Variants in CHD6 observed in about 807,000 individuals in gnomAD.
CHD6 encodes chromodomain helicase DNA binding protein 6.
CHD6 carries 50 observed loss-of-function variants against 276.9 expected under a neutral mutation model. That is an observed-to-expected ratio of 0.18 (90% CI 0.14 to 0.23). CHD6 has a LOEUF of 0.23. Ranked by LOEUF, CHD6 falls within the 10% of genes least tolerant of loss-of-function variation. The pLI is 1.00. For synonymous variants in CHD6, 1,173 were observed against 1,229.3 expected, an observed-to-expected ratio of 0.95 and a Z score of 0.96; for missense variants, 2,564 against 3,365.8, an observed-to-expected ratio of 0.76 and a Z score of 5.89.
At chr20:41,464,426 G>C (rs2042872449) in intron 17 of CHD6, among the ~76,000 whole-genome samples, 1 of 152,094 alleles carries the variant, frequency 6.6e-6, no homozygotes, top group Non-Finnish European at 1.5e-5. Flanking sequence ...ACAAAATATG[G>C]GTTAGCAATT....
chr20:41,478,909 A>G (rs1038820724), intron 16 of CHD6, among the ~76,000 whole-genome samples: 86 of 152,236 alleles, frequency 5.6e-4, no homozygotes, highest in African/African-American at 1.9e-3. Flanking sequence ...CGTCAAACCT[A>G]CAATGTTATA....
intron 25 of CHD6, among the ~76,000 whole-genome samples, chr20:41,444,989 A>T (rs2048020095): frequency 6.6e-6 from 1 of 152,216 alleles, no homozygotes; most frequent in Admixed American, 6.5e-5. Flanking sequence ...TGTATCAGGC[A>T]TACTATGGGT....
intron 1 of CHD6, among the ~76,000 whole-genome samples, chr20:41,608,607 G>C (rs183834684): frequency 2.0e-4 from 31 of 152,244 alleles, no homozygotes; most frequent in Non-Finnish European, 4.1e-4. Context: ...TTCTAATCAA[G>C]GCTTGACCAC....
intron 3 of CHD6, among the ~76,000 whole-genome samples, chr20:41,523,332 T>A (rs191274002): frequency 1.3e-5 from 2 of 152,304 alleles, no homozygotes; most frequent in Admixed American, 6.5e-5. Flanking sequence ...TCTTTTTTAT[T>A]AATAGCTTTC....
intron 16 of CHD6, among the ~76,000 whole-genome samples, chr20:41,480,919 C>A (rs2043279942): frequency 6.6e-6 from 1 of 151,728 alleles, no homozygotes; most frequent in African/African-American, 2.4e-5. Flanking sequence ...CCAGAAGAAC[C>A]CTGTTGGATG....
chr20:41,509,928 T>C (rs1391488538), intron 5 of CHD6, among the ~76,000 whole-genome samples: 1 of 152,122 alleles, frequency 6.6e-6, no homozygotes, highest in African/African-American at 2.4e-5. Flanking sequence ...TGTAAAGATG[T>C]TTTCGCAACT....
At position 41,467,111 on chromosome 20, in the gene CHD6, A is replaced by C. The variant is rs561842933; in HGVS notation, c.2664+6211T>G. On this transcript the variant is annotated intron_variant, in intron 17 of 36. Coordinates refer to ENST00000373233, the MANE Select transcript of CHD6 (RefSeq NM_032221.5). Reference sequence around the variant, plus strand: ...TACCTCTGGACTTGTTAACTGAGAAAAATAAACCCCTGTTTGGGAGAGCCG... The same window carrying C: ...TACCTCTGGACTTGTTAACTGAGAACAATAAACCCCTGTTTGGGAGAGCCG... 1.4e-4 allele frequency among the ~76,000 whole-genome samples: 21 copies of C among 152,254 alleles called. No homozygotes were observed. In the South Asian group the frequency reaches 4.4e-3, roughly 32 times the overall value.
At chr20:41,540,671 C>T (rs2044923857) in intron 2 of CHD6, among the ~76,000 whole-genome samples, 1 of 152,166 alleles carries the variant, frequency 6.6e-6, no homozygotes, top group African/African-American at 2.4e-5. Context: ...CTTGCACCTC[C>T]AACCCAAGTA....
rs1239884578 is a variant in CHD6, at chr20:41,404,637, C to G, written c.8104G>C (p.Ala2702Pro). The stretch of plus-strand genomic sequence containing the variant: ...GAGTCTTTGAGTGCCCCCTCCCCAG[C>G]CTGTGCCCCATGTTCTCTCTCTGCG... Reference protein sequence around the residue: ...LPAEREHGAQAGEGALKDSNN... With the variant: ...LPAEREHGAQPGEGALKDSNN... Residue 2702 changes from alanine (A) to proline (P), a missense_variant, in exon 37 of 37, where the codon GCT becomes CCT. Ala to Pro is a conservative substitution (Grantham distance 27). This residue lies in a region of CHD6 where 238 missense variants were observed against 266.0 expected (regional missense o/e 0.89). Coordinates refer to ENST00000373233, the MANE Select transcript of CHD6 (RefSeq NM_032221.5). 5 of 1,514,374 alleles carry G rather than the reference C, an allele frequency of 3.3e-6. No individual in the cohort carries two copies. In the Admixed American group the frequency reaches 1.1e-4, roughly 34 times the overall value. 93.8% of individuals were successfully genotyped at this position (1,514,374 alleles called of 1,614,324 possible). A position where few individuals can be genotyped will look rare whatever the true frequency, so the allele number is the denominator to read the frequency against.
At chr20:41,512,168 T>C (rs369102393) in intron 5 of CHD6, among the ~76,000 whole-genome samples, 2 of 151,854 alleles carry the variant, frequency 1.3e-5, no homozygotes, top group African/African-American at 4.8e-5. Flanking sequence ...TTTTGCCATG[T>C]TGCCCATGTT....
intron 1 of CHD6, among the ~76,000 whole-genome samples, chr20:41,561,472 C>T (rs980586974): frequency 3.3e-5 from 5 of 152,158 alleles, no homozygotes; most frequent in Non-Finnish European, 5.9e-5. Context: ...TAGGTAGAGT[C>T]CTCCATCAGG....
In CHD6 at chr20:41,488,415, T is replaced by A; in HGVS notation, c.1857+13A>T. The A allele has an allele frequency of 6.2e-7, 1 of 1,601,902 alleles. No homozygotes were observed. Among genetic ancestry groups the A allele is most frequent in the Non-Finnish European group, 8.5e-7 (1 of 1,175,756 alleles). On this transcript the variant is annotated intron_variant, in intron 13 of 36. Transcript: ENST00000373233. The stretch of plus-strand genomic sequence containing the variant: ...AGGAACCTGTGTTTATGTAAAGAGA[T>A]GCTAACTCTCACCAGGGCCATAAGC...
In CHD6 at chr20:41,403,298, C is replaced by G; in HGVS notation, c.*1295G>C. 1.9e-6 allele frequency: 2 copies of G among 1,063,338 alleles called. No individual in the cohort carries two copies. The highest frequency in any genetic ancestry group is 2.3e-6 in the Non-Finnish European group (2 of 877,744). 65.9% of individuals were successfully genotyped at this position (1,063,338 alleles called of 1,614,324 possible). ...ACTGAACCATGAGCTTACTTCAAGTCTCAGAGTGTGAACTACCTGTGAAGA... is the reference window on the plus strand; with the variant it reads ...ACTGAACCATGAGCTTACTTCAAGTGTCAGAGTGTGAACTACCTGTGAAGA... On this transcript the variant is annotated 3_prime_UTR_variant, in exon 37 of 37. Transcript: ENST00000373233.
At chr20:41,607,444 C>A (rs768788199) in intron 1 of CHD6, among the ~76,000 whole-genome samples, 1 of 152,046 alleles carries the variant, frequency 6.6e-6, no homozygotes. Context: ...TCCCAGGGCA[C>A]GTGAATGACT....
At chr20:41,571,101 G>A (rs1347767679) in intron 1 of CHD6, among the ~76,000 whole-genome samples, 13 of 151,940 alleles carry the variant, frequency 8.6e-5, no homozygotes, top group Admixed American at 8.5e-4. Flanking sequence ...AGTTACAGTG[G>A]GATTCCAAAT....
intron 12 of CHD6, 81 bp downstream of exon 12, chr20:41,489,697 T>C: frequency 6.4e-7 from 1 of 1,569,482 alleles, no homozygotes; most frequent in Non-Finnish European, 8.7e-7. Flanking sequence ...TGCAGGGCAC[T>C]GGAACTTCTG....
At chr20:41,582,948 A>G (rs1040376988) in intron 1 of CHD6, among the ~76,000 whole-genome samples, 2 of 152,168 alleles carry the variant, frequency 1.3e-5, no homozygotes, top group Admixed American at 6.5e-5. Context: ...AAAAACGGGG[A>G]AAAAGAAGTG....
chr20:41,581,256 A>G (rs1024449292), intron 1 of CHD6, among the ~76,000 whole-genome samples: 4 of 152,218 alleles, frequency 2.6e-5, no homozygotes, highest in African/African-American at 9.6e-5. Context: ...GAAGCACAAG[A>G]CGGTCAAGTA....
intron 17 of CHD6, among the ~76,000 whole-genome samples, chr20:41,469,185 T>C (rs1001263942): frequency 7.2e-5 from 11 of 152,286 alleles, no homozygotes; most frequent in South Asian, 4.1e-4. Flanking sequence ...CCTGCAGACA[T>C]GCAGCAGCTG....
Sources: gnomAD v4.1 joint callset for allele counts (sites outside exome capture counted in the v4.1 genomes callset) on GRCh38, gnomAD v4.1.1 for gene constraint, gnomAD v4.1.1 regional missense constraint, MANE v1.5 for transcripts, NCBI Gene and HGNC (gene_info 2026-07-23, HGNC 2026-07-21) for gene names.